PDE11A: variants seen among roughly 807,000 people sequenced by gnomAD.
PDE11A encodes the protein phosphodiesterase 11A, also known as dual 3',5'-cyclic-AMP and -GMP phosphodiesterase 11A.
Under a neutral mutation model 100.5 loss-of-function variants are expected in PDE11A, and 100 were observed. The observed-to-expected ratio is 1.00, with a 90% CI of 0.85 to 1.18. The LOEUF (loss-of-function observed/expected upper bound fraction) is 1.18. Ranked by LOEUF, PDE11A falls within the 50% of genes most tolerant of loss-of-function variation. The pLI, the probability that PDE11A is intolerant of heterozygous loss-of-function variation, is 0.00. For missense variants in PDE11A, 1,141 were observed against 1,152.6 expected (o/e 0.99, Z 0.15); for synonymous variants, 381 against 420.8 (o/e 0.91, Z 1.16).
At chr2:177,789,239 C>G (rs1439284073) in intron 9 of PDE11A, among the ~76,000 whole-genome samples, 2 of 152,102 alleles carry the variant, frequency 1.3e-5, no homozygotes, top group African/African-American at 4.8e-5. Flanking sequence ...TCAATATACA[C>G]AAATCAATAA....
At chr2:177,889,011 T>C (rs984397234) in intron 4 of PDE11A, among the ~76,000 whole-genome samples, 1 of 152,198 alleles carries the variant, frequency 6.6e-6, no homozygotes, top group African/African-American at 2.4e-5. Flanking sequence ...CCCATCTTAC[T>C]TATCCCAACT....
At chr2:177,659,789 T>C (rs556679730) in intron 19 of PDE11A, among the ~76,000 whole-genome samples, 26 of 151,986 alleles carry the variant, frequency 1.7e-4, no homozygotes, top group East Asian at 3.9e-4. Context: ...TCTTTTTTTT[T>C]TTCCCCCTCC....
chr2:177,961,383 A>G (rs2085630164), intron 2 of PDE11A, among the ~76,000 whole-genome samples: 1 of 152,024 alleles, frequency 6.6e-6, no homozygotes, highest in South Asian at 2.1e-4. Context: ...TTCCTTCTCT[A>G]GTATAGAGGC....
chr2:177,875,527 G>A (rs949262383), intron 5 of PDE11A, among the ~76,000 whole-genome samples: 6 of 150,524 alleles, frequency 4.0e-5, no homozygotes, highest in Non-Finnish European at 8.8e-5. Context: ...ACAGGCACCC[G>A]CCACCATGCC....
chr2:178,036,570 T>A (rs2086617216), intron 1 of PDE11A, among the ~76,000 whole-genome samples: 1 of 151,934 alleles, frequency 6.6e-6, no homozygotes, highest in South Asian at 2.1e-4. Flanking sequence ...GCCAAGACAA[T>A]CCTAAGAAAA....
chr2:177,788,942 C>T (rs1489515941), intron 9 of PDE11A, among the ~76,000 whole-genome samples: 1 of 152,078 alleles, frequency 6.6e-6, no homozygotes, highest in Admixed American at 6.5e-5. Context: ...GGATTCACAG[C>T]CGAATTCTAC....
intron 1 of PDE11A, among the ~76,000 whole-genome samples, chr2:178,047,782 T>A (rs1055315646): frequency 3.9e-5 from 6 of 152,156 alleles, no homozygotes; most frequent in Non-Finnish European, 5.9e-5. Context: ...ACATGGAATT[T>A]TAGAGCTGAG....
intron 2 of PDE11A, chr2:177,998,334 A>G (rs1013016262): frequency 5.1e-5 from 41 of 807,016 alleles, no homozygotes; most frequent in Non-Finnish European, 9.2e-5. Flanking sequence ...TTCTCTAACA[A>G]TGTCCTCTCC....
At chr2:177,944,331 A>T (rs2085378463) in intron 2 of PDE11A, among the ~76,000 whole-genome samples, 1 of 152,194 alleles carries the variant, frequency 6.6e-6, no homozygotes, top group South Asian at 2.1e-4. Flanking sequence ...AAACCAAATA[A>T]CCAATAATCA....
chr2:177,785,372 A>G (rs559198970), intron 9 of PDE11A, among the ~76,000 whole-genome samples: 1 of 137,844 alleles, frequency 7.3e-6, no homozygotes, highest in East Asian at 2.1e-4. Flanking sequence ...AAGTTATGTT[A>G]GAATAGCGTT....
At position 177,626,078 on chromosome 2, in the gene PDE11A, TG is replaced by T. The variant is rs1288134356; in HGVS notation, c.*3328del. On this transcript the variant is annotated 3_prime_UTR_variant, in exon 20 of 20. Transcript: ENST00000286063. ...GATTGCAATGGTGTTGAACTCCCCT[TG>T]CTACCAGTGGATGTTGCTATTGGCA... 6.6e-6 allele frequency: 1 copy of T among 152,602 alleles called. No individual in the cohort carries two copies. Among genetic ancestry groups the T allele is most frequent in the Non-Finnish European group, 1.5e-5 (1 of 68,040 alleles). The allele number at this position is 152,602 out of a possible 1,614,324, so 9.5% of individuals were successfully genotyped here.
chr2:177,933,299 T>C (rs1157933600), intron 2 of PDE11A, among the ~76,000 whole-genome samples: 2 of 152,146 alleles, frequency 1.3e-5, no homozygotes, highest in Non-Finnish European at 1.5e-5. Context: ...ACTACCAATG[T>C]CATTTTTCAT....
chr2:177,844,501 C>T (rs1382071285), intron 5 of PDE11A, among the ~76,000 whole-genome samples: 3 of 151,336 alleles, frequency 2.0e-5, no homozygotes, highest in Non-Finnish European at 4.4e-5. Flanking sequence ...TACGCACCAG[C>T]TCAATTTTGG....
chr2:177,876,074 G>A lies in PDE11A; in HGVS notation c.1303-151C>T. 3 of 673,174 alleles carry A rather than the reference G, an allele frequency of 4.5e-6. No homozygotes were observed. The Admixed American group carries it at 6.7e-5, about 15-fold the overall frequency. 41.7% of individuals were successfully genotyped at this position (673,174 alleles called of 1,614,324 possible). A position where few individuals can be genotyped will look rare whatever the true frequency, so the allele number is the denominator to read the frequency against. Reference sequence around the variant, plus strand: ...GGAGAAATCCCAAGACAGAGTAGAAGAGGAGAATCCCATCCTACATCTTGT... The same window carrying A: ...GGAGAAATCCCAAGACAGAGTAGAAAAGGAGAATCCCATCCTACATCTTGT... On this transcript the variant is annotated intron_variant, in intron 4 of 19. Transcript: ENST00000286063.
At chr2:177,915,574 A>C (rs2084940989) in intron 2 of PDE11A, among the ~76,000 whole-genome samples, 1 of 152,162 alleles carries the variant, frequency 6.6e-6, no homozygotes, top group Admixed American at 6.5e-5. Flanking sequence ...GGATATACCC[A>C]TGTTTGTTTA....
intron 9 of PDE11A, among the ~76,000 whole-genome samples, chr2:177,809,987 T>C (rs1242978979): frequency 6.6e-6 from 1 of 152,192 alleles, no homozygotes; most frequent in African/African-American, 2.4e-5. Flanking sequence ...CTCCCTTACC[T>C]TCAGGAAGTC....
chr2:178,097,926 G>A (rs1271867099), intron 2 of PDE11A, among the ~76,000 whole-genome samples: 3 of 152,088 alleles, frequency 2.0e-5, no homozygotes, highest in African/African-American at 7.2e-5. Flanking sequence ...CAAAACTAAA[G>A]GCACTGAATC....
rs540255639 is a variant in PDE11A at position 177,629,387 on chromosome 2, G to A, written c.*20C>T. The A allele has an allele frequency of 1.2e-6, 2 of 1,610,876 alleles. No individual in the cohort carries two copies. Among genetic ancestry groups the A allele is most frequent in the East Asian group, 4.5e-5 (2 of 44,876 alleles). On this transcript the variant is annotated 3_prime_UTR_variant, in exon 20 of 20. Coordinates refer to ENST00000286063, the MANE Select transcript of PDE11A (RefSeq NM_016953.4). ...CCCTTCAGGCTGTAGTCATTTTGCAGCTGCAGCTGACCTGGAGGTTTAGTT... is the reference window on the plus strand; with the variant it reads ...CCCTTCAGGCTGTAGTCATTTTGCAACTGCAGCTGACCTGGAGGTTTAGTT...
At chr2:177,634,865 T>C (rs2080015340) in intron 19 of PDE11A, among the ~76,000 whole-genome samples, 1 of 152,188 alleles carries the variant, frequency 6.6e-6, no homozygotes. Flanking sequence ...AAGTTTCTTA[T>C]CAAGTGATAC....
Sources: allele counts gnomAD v4.1 joint callset (sites outside exome capture counted in the v4.1 genomes callset), GRCh38; gene constraint gnomAD v4.1.1; transcripts MANE v1.5; gene names NCBI Gene and HGNC (gene_info 2026-07-23, HGNC 2026-07-21).